The following ACSL1 variants were observed in gnomAD, a reference collection of about 807,000 sequenced individuals.
ACSL1 encodes the protein acyl-CoA synthetase long chain family member 1.
A neutral mutation model predicts 98.4 loss-of-function variants in ACSL1; 41 were observed. That is an observed-to-expected ratio of 0.42 (90% CI 0.32 to 0.54). The LOEUF (loss-of-function observed/expected upper bound fraction) is 0.54. ACSL1 is among the 20% of genes least tolerant of loss of function. ACSL1 has a pLI of 0.13. For missense variants in ACSL1, 734 were observed against 883.1 expected (o/e 0.83, Z 2.14); for synonymous variants, 316 against 322.7 (o/e 0.98, Z 0.22).
At chr4:184,795,249 A>C (rs577539151) in intron 2 of ACSL1, among the ~76,000 whole-genome samples, 1 of 152,354 alleles carries the variant, frequency 6.6e-6, no homozygotes, top group Non-Finnish European at 1.5e-5. Context: ...CAAGAAACAC[A>C]GCCTACGCTG....
intron 1 of ACSL1, among the ~76,000 whole-genome samples, chr4:184,812,448 T>C (rs1012269076): frequency 6.6e-6 from 1 of 151,918 alleles, no homozygotes; most frequent in Non-Finnish European, 1.5e-5. Context: ...GTAGTCTCCT[T>C]CTACCCGCCA....
intron 15 of ACSL1, among the ~76,000 whole-genome samples, chr4:184,764,160 A>G (rs1309880037): frequency 6.6e-6 from 1 of 152,256 alleles, no homozygotes; most frequent in Non-Finnish European, 1.5e-5. Flanking sequence ...GAAGCTCTGC[A>G]GTCAGGCCGG....
chr4:184,809,778 A>G (rs1275256628), intron 1 of ACSL1, among the ~76,000 whole-genome samples: 1 of 152,242 alleles, frequency 6.6e-6, no homozygotes, highest in Non-Finnish European at 1.5e-5. Flanking sequence ...CCTGGGCGAC[A>G]GAGCGAGACT....
intron 1 of ACSL1, among the ~76,000 whole-genome samples, chr4:184,820,108 G>A (rs1019129381): frequency 6.6e-6 from 1 of 152,082 alleles, no homozygotes; most frequent in East Asian, 1.9e-4. Context: ...TGTTACCTTG[G>A]CCAAGTCACC....
intron 1 of ACSL1, among the ~76,000 whole-genome samples, chr4:184,811,274 AATTT>A (rs1426826217): frequency 6.7e-6 from 1 of 150,128 alleles, no homozygotes; most frequent in Non-Finnish European, 1.5e-5. Flanking sequence ...ACGCCTGGCT[AATTT>A]TTTTTTTGTA....
chr4:184,796,733 T>C (rs972580420), intron 2 of ACSL1, among the ~76,000 whole-genome samples: 1 of 152,264 alleles, frequency 6.6e-6, no homozygotes, highest in Admixed American at 6.5e-5. Context: ...CACAGGCTTC[T>C]AGTTAAATAC....
chr4:184,768,997 A>C (rs1282948236), intron 11 of ACSL1, among the ~76,000 whole-genome samples: 2 of 151,776 alleles, frequency 1.3e-5, no homozygotes, highest in Admixed American at 1.3e-4. Context: ...TGAACCCAGG[A>C]GGCGGAGATT....
At chr4:184,820,371 A>G (rs1487374955) in intron 1 of ACSL1, among the ~76,000 whole-genome samples, 1 of 152,170 alleles carries the variant, frequency 6.6e-6, no homozygotes, top group Non-Finnish European at 1.5e-5. Context: ...CAGGGCAGGC[A>G]AAGCCTTTTA....
rs1764815800 is a variant in ACSL1 at position 184,773,524 on chromosome 4, A to G, written c.841+139T>C. The G allele has an allele frequency of 1.3e-6, 1 of 772,160 alleles. No individual in the cohort carries two copies. The highest frequency in any genetic ancestry group is 2.9e-5 in the Admixed American group (1 of 34,556). 47.8% of individuals were successfully genotyped at this position (772,160 alleles called of 1,614,324 possible). On this transcript the variant is annotated intron_variant, in intron 9 of 20. Transcript: ENST00000281455. This position sits in a 1 kb window ranked among gnomAD's most constrained non-coding sequence, Gnocchi z 4.3. ...TCTGAGAAGATCTTACAGAGCAACA[A>G]GAAGACAGCACTTGAACCGCTTCCT...
chr4:184,777,055 A>C, intron 5 of ACSL1, 72 bp from the exon 6 acceptor site: 101 of 1,345,864 alleles, frequency 7.5e-5, no homozygotes, highest in Non-Finnish European at 1.0e-4. Context: ...AACAATACTC[A>C]AGAGAGATTC....
intron 2 of ACSL1, among the ~76,000 whole-genome samples, chr4:184,796,748 C>T (rs1308147193): frequency 1.3e-5 from 2 of 152,198 alleles, no homozygotes; most frequent in Non-Finnish European, 2.9e-5. Context: ...AAATACACAT[C>T]GGATAACTGA....
rs376253989 is a variant in ACSL1 at position 184,766,591 on chromosome 4, A to G, written c.1263+31T>C. 3 of 1,599,574 alleles carry G rather than the reference A, an allele frequency of 1.9e-6. No homozygotes were observed. Among genetic ancestry groups the G allele is most frequent in the Non-Finnish European group, 1.7e-6 (2 of 1,168,844 alleles). ...ACTCTGAAAAGCGAAGTCGGTTTCC[A>G]TGGGAGCAGTGGCTGTGAGTCACGT... On this transcript the variant is annotated intron_variant, in intron 13 of 20. Coordinates refer to ENST00000281455, the MANE Select transcript of ACSL1 (RefSeq NM_001995.5). This position sits in a 1 kb window ranked among gnomAD's most constrained non-coding sequence, Gnocchi z 4.8.
chr4:184,820,568 C>T (rs768481822), intron 1 of ACSL1, among the ~76,000 whole-genome samples: 4 of 152,124 alleles, frequency 2.6e-5, no homozygotes, highest in Non-Finnish European at 5.9e-5. Flanking sequence ...CCAGCTCTGT[C>T]CTTCCTGTCT....
intron 11 of ACSL1, among the ~76,000 whole-genome samples, chr4:184,769,786 G>A (rs1006751140): frequency 6.6e-6 from 1 of 152,162 alleles, no homozygotes; most frequent in Non-Finnish European, 1.5e-5. Flanking sequence ...TTTTCCTACA[G>A]CATAAAATCC....
intron 1 of ACSL1, among the ~76,000 whole-genome samples, chr4:184,813,426 A>T (rs1432014076): frequency 6.6e-6 from 1 of 152,186 alleles, no homozygotes; most frequent in Non-Finnish European, 1.5e-5. Flanking sequence ...AGACAAAAAG[A>T]TCCGCTTTTT....
chr4:184,818,764 C>T (rs1447481692), intron 1 of ACSL1, among the ~76,000 whole-genome samples: 7 of 152,210 alleles, frequency 4.6e-5, no homozygotes, highest in Middle Eastern at 3.4e-3. Context: ...AAAAGATGCA[C>T]GTGGGACAGA....
Position 184,755,877 on chromosome 4 carries a change from A to C in ACSL1, c.*1248T>G, listed in dbSNP as rs1390251958. 4 of 152,678 alleles carry C rather than the reference A, an allele frequency of 2.6e-5. No homozygotes were observed. In the South Asian group the frequency reaches 8.3e-4, roughly 32 times the overall value. The allele number at this position is 152,678 out of a possible 1,614,324, so 9.5% of individuals were successfully genotyped here. A position where few individuals can be genotyped will look rare whatever the true frequency, so the allele number is the denominator to read the frequency against. On this transcript the variant is annotated 3_prime_UTR_variant, in exon 21 of 21. Coordinates refer to ENST00000281455, the MANE Select transcript of ACSL1 (RefSeq NM_001995.5). ...CAGCTGCTTTAAATGTACAAATGACAGCTCAATTCAGTCAAATGTGGCAAA... is the reference window on the plus strand; with the variant it reads ...CAGCTGCTTTAAATGTACAAATGACCGCTCAATTCAGTCAAATGTGGCAAA...
intron 1 of ACSL1, among the ~76,000 whole-genome samples, chr4:184,809,727 C>T (rs1014988242): frequency 2.0e-5 from 3 of 152,112 alleles, no homozygotes; most frequent in South Asian, 2.1e-4. Flanking sequence ...ACCTGGGAAG[C>T]GGAGCTTGCA....
chr4:184,757,122 A>C lies in ACSL1; in HGVS notation c.*3T>G. 6.4e-7 allele frequency: 1 copy of C among 1,571,948 alleles called. No homozygotes were observed. The highest frequency in any genetic ancestry group is 1.1e-5 in the South Asian group (1 of 88,086). On this transcript the variant is annotated 3_prime_UTR_variant, in exon 21 of 21. Coordinates refer to ENST00000281455, the MANE Select transcript of ACSL1 (RefSeq NM_001995.5). This position sits in a 1 kb window ranked among gnomAD's most constrained non-coding sequence, Gnocchi z 4.5. ...CCATTTCCTCTGAGCTTTCTTCTTC[A>C]CACTAAACCTTGATAGTGGAATAGA... is the stretch of plus-strand genomic sequence containing the variant.
Sources: gnomAD v4.1 joint callset for allele counts (sites outside exome capture counted in the v4.1 genomes callset) on GRCh38, gnomAD v4.1.1 for gene constraint, Gnocchi (gnomAD v3.1) non-coding constraint, MANE v1.5 for transcripts, NCBI Gene and HGNC (gene_info 2026-07-23, HGNC 2026-07-21) for gene names.